RANBP2: variants seen among roughly 807,000 people sequenced by gnomAD.
The protein encoded by RANBP2 is RAN binding protein 2.
A neutral mutation model predicts 303.6 loss-of-function variants in RANBP2; 57 were observed. That is an observed-to-expected ratio of 0.19 (90% CI 0.15 to 0.23). The LOEUF is 0.23. RANBP2 is among the 10% of genes least tolerant of loss of function. RANBP2 has a pLI of 1.00. For missense variants in RANBP2, 3,138 were observed against 3,780.8 expected, an observed-to-expected ratio of 0.83 and a Z score of 4.46; for synonymous variants, 1,167 against 1,301.5, an observed-to-expected ratio of 0.90 and a Z score of 2.23.
chr2:109,329,069 A>G, the RANBP2 span, among the ~76,000 whole-genome samples: 3 of 151,940 alleles, frequency 2.0e-5, no homozygotes, highest in African/African-American at 7.3e-5. Flanking sequence ...ATCCTCTCAC[A>G]TTTCTTCTGG....
chr2:109,172,657 T>C, the RANBP2 span, among the ~76,000 whole-genome samples: 5 of 152,182 alleles, frequency 3.3e-5, no homozygotes, highest in African/African-American at 1.2e-4. Flanking sequence ...AGCAATTGTT[T>C]GGGATCTGAT....
the RANBP2 span, among the ~76,000 whole-genome samples, chr2:108,879,590 C>T: frequency 3.5e-4 from 54 of 152,182 alleles, no homozygotes; most frequent in African/African-American, 1.3e-3. Context: ...GATTAACTTT[C>T]TAATAGAAAA....
At chr2:108,724,355 A>T (rs1190836551) in intron 1 of RANBP2, among the ~76,000 whole-genome samples, 3 of 151,942 alleles carry the variant, frequency 2.0e-5, no homozygotes. Flanking sequence ...TAGAGATGGG[A>T]TTTCACCATG....
At chr2:108,968,409 G>C in the RANBP2 span, among the ~76,000 whole-genome samples, 262 of 152,208 alleles carry the variant, frequency 1.7e-3, 1 homozygote, top group Admixed American at 5.4e-3. Context: ...TTGAAGTTTT[G>C]CAAACCAGGG....
At chr2:109,553,053 A>T in the RANBP2 span, 248 of 1,594,334 alleles carry the variant, frequency 1.6e-4, no homozygotes, top group African/African-American at 3.0e-3. Flanking sequence ...CATCTAAAAA[A>T]TAAATGCAAA....
chr2:108,932,405 T>A, the RANBP2 span, among the ~76,000 whole-genome samples: 1 of 151,480 alleles, frequency 6.6e-6, no homozygotes, highest in African/African-American at 2.4e-5. Flanking sequence ...GGTGGGCACC[T>A]GTAGTCCCAG....
At chr2:109,125,990 CAGG>C in the RANBP2 span, among the ~76,000 whole-genome samples, 1 of 152,188 alleles carries the variant, frequency 6.6e-6, no homozygotes, top group Non-Finnish European at 1.5e-5. Flanking sequence ...TGTTGAACAT[CAGG>C]AGATGTCATG....
the RANBP2 span, among the ~76,000 whole-genome samples, chr2:109,264,601 G>A: frequency 2.6e-5 from 4 of 152,268 alleles, 1 homozygote; most frequent in South Asian, 6.2e-4. Context: ...TGCATGAGCT[G>A]ACAGTTGGAT....
chr2:109,587,683 G>C, the RANBP2 span, among the ~76,000 whole-genome samples: 1 of 152,160 alleles, frequency 6.6e-6, no homozygotes, highest in African/African-American at 2.4e-5. Context: ...GGAGGCCGAG[G>C]CGGGTGGATA....
chr2:109,072,446 T>G, the RANBP2 span, among the ~76,000 whole-genome samples: 1 of 151,884 alleles, frequency 6.6e-6, no homozygotes. Context: ...ACCACATGCT[T>G]GGGAGAGCAC....
the RANBP2 span, among the ~76,000 whole-genome samples, chr2:108,947,017 A>G: frequency 9.2e-5 from 14 of 152,326 alleles, no homozygotes; most frequent in African/African-American, 3.1e-4. Flanking sequence ...CCTTCTGCCT[A>G]TAAGCCTGTA....
chr2:109,156,689 C>T, the RANBP2 span, among the ~76,000 whole-genome samples: 2 of 152,052 alleles, frequency 1.3e-5, no homozygotes, highest in African/African-American at 4.8e-5. Flanking sequence ...CAGGTGATCT[C>T]GCCTCGGCCT....
the RANBP2 span, among the ~76,000 whole-genome samples, chr2:109,136,697 C>G: frequency 6.6e-6 from 1 of 152,090 alleles, no homozygotes; most frequent in Non-Finnish European, 1.5e-5. Flanking sequence ...CTGATGCAAA[C>G]GAAGATATGA....
At chr2:108,841,004 TTTTG>T in the RANBP2 span, among the ~76,000 whole-genome samples, 949 of 151,592 alleles carry the variant, frequency 6.3e-3, 2 homozygotes, top group Non-Finnish European at 8.7e-3. Flanking sequence ...TGTGTGTGTT[TTTTG>T]TTTGTTTGTT....
the RANBP2 span, among the ~76,000 whole-genome samples, chr2:109,435,763 T>A: frequency 6.6e-6 from 1 of 152,364 alleles, no homozygotes; most frequent in African/African-American, 2.4e-5. Flanking sequence ...GAGCCCACTT[T>A]ATTTAGTTTT....
At chr2:109,336,443 G>A in the RANBP2 span, among the ~76,000 whole-genome samples, 2 of 152,218 alleles carry the variant, frequency 1.3e-5, no homozygotes, top group African/African-American at 2.4e-5. Context: ...CCACCAATAA[G>A]TTTCTCCCTT....
chr2:108,721,502 G>A (rs12467351), intron 1 of RANBP2, among the ~76,000 whole-genome samples: 1 of 152,040 alleles, frequency 6.6e-6, no homozygotes, highest in Non-Finnish European at 1.5e-5. Context: ...ATGCAGTGGC[G>A]CTATCTCGAC....
chr2:109,375,285 G>A, the RANBP2 span, among the ~76,000 whole-genome samples: 2,943 of 152,254 alleles, frequency 0.019, 95 homozygotes, highest in African/African-American at 0.061. Context: ...TGTCCTTTTC[G>A]CCCATCGTTT....
chr2:109,296,520 G>A, the RANBP2 span, among the ~76,000 whole-genome samples: 2 of 152,110 alleles, frequency 1.3e-5, no homozygotes, highest in Admixed American at 6.5e-5. Context: ...GAGATTACAG[G>A]TGTGAGCCTC....
Sources: allele counts gnomAD v4.1 joint callset (sites outside exome capture counted in the v4.1 genomes callset), GRCh38; gene constraint gnomAD v4.1.1; transcripts MANE v1.5; gene names NCBI Gene and HGNC (gene_info 2026-07-23, HGNC 2026-07-21).